DLEC1: variants seen among roughly 807,000 people sequenced by gnomAD.
The protein encoded by DLEC1 is DLEC1 cilia and flagella associated protein.
DLEC1 carries 146 observed loss-of-function variants against 198.1 expected under a neutral mutation model. The ratio of observed to expected loss-of-function variants is 0.74; its 90% CI spans 0.64 to 0.85. The LOEUF (loss-of-function observed/expected upper bound fraction) is 0.85, where lower values mean the gene tolerates loss of function less well. Among genes scored for constraint, DLEC1 ranks in the 40% least tolerant of loss-of-function variants. DLEC1 has a pLI of 0.00. For synonymous variants in DLEC1, 897 were observed against 866.8 expected (o/e 1.03, Z -0.61); for missense variants, 2,233 against 2,220.0 (o/e 1.01, Z -0.12).
intron 19 of DLEC1, among the ~76,000 whole-genome samples, chr3:38,105,963 G>A (rs1205772116): frequency 3.9e-5 from 6 of 151,930 alleles, no homozygotes; most frequent in Non-Finnish European, 8.8e-5. Context: ...CTTACTGGTT[G>A]TCCAGGGCTT....
Position 38,110,101 on chromosome 3 carries a change from C to G in DLEC1, c.3263C>G (p.Thr1088Arg). ...TGGGCACAGGACAGTGTTTTCAGCA[C>G]AGAGCAGTGGCCAGGCCACCCAAAG... ...TISKESSDCSTEQWPGHPKEL... is the reference protein window; with the variant it reads ...TISKESSDCSREQWPGHPKEL... Residue 1088 changes from threonine (T) to arginine (R), a missense_variant and splice_region_variant, in exon 23 of 37, where the codon ACA (threonine) becomes AGA (arginine). Transcript: ENST00000308059. The G allele has an allele frequency of 6.2e-7, 1 of 1,613,860 alleles. No individual in the cohort carries two copies. Among genetic ancestry groups the G allele is most frequent in the African/African-American group, 1.3e-5 (1 of 75,052 alleles).
In DLEC1 at chr3:38,065,705, C is replaced by T. The variant is rs576809633; in HGVS notation, c.1173+1786C>T. On this transcript the variant is annotated intron_variant, in intron 6 of 36. Transcript: ENST00000308059. ...CCATAGTACCACTGTCACACCCAGC[C>T]ATATTAATAATGATTCCTTAATATC... is the stretch of plus-strand genomic sequence containing the variant. Among the ~76,000 whole-genome samples the T allele has an allele frequency of 4.6e-5, 7 of 152,280 alleles. No individual in the cohort carries two copies. The East Asian group carries it at 1.3e-3, about 29-fold the overall frequency.
At chr3:38,046,262 G>A (rs1700882043) in intron 2 of DLEC1, among the ~76,000 whole-genome samples, 2 of 152,068 alleles carry the variant, frequency 1.3e-5, no homozygotes. Context: ...GATTTTTGTG[G>A]CGTGATATGG....
At chr3:38,109,767 A>C (rs748792503) in intron 22 of DLEC1, 8 of 912,404 alleles carry the variant, frequency 8.8e-6, no homozygotes, top group Admixed American at 2.8e-5. Context: ...TGGTCTCCCC[A>C]CACACACTTG....
At chr3:38,092,951 T>C (rs1009089935) in intron 11 of DLEC1, 71 bp downstream of exon 11, 1 of 1,400,696 alleles carries the variant, frequency 7.1e-7, no homozygotes, top group Admixed American at 1.7e-5. Context: ...CTGACCACAG[T>C]AGCATTAGCG....
At chr3:38,084,563 GGTAGTAGTAGTA>G (rs1358504058) in intron 7 of DLEC1, among the ~76,000 whole-genome samples, 45 of 58,778 alleles carry the variant, frequency 7.7e-4, no homozygotes, top group Non-Finnish European at 1.0e-3. Context: ...TAGTAGTAGT[GGTAGTAGTAGTA>G]GTGGGGGGGT....
intron 2 of DLEC1, among the ~76,000 whole-genome samples, chr3:38,051,143 C>A (rs1216579808): frequency 6.6e-6 from 1 of 152,302 alleles, no homozygotes; most frequent in African/African-American, 2.4e-5. Flanking sequence ...TCAAGCAATC[C>A]GCCCACCTCA....
At position 38,117,612 on chromosome 3, in the gene DLEC1, G is replaced by T; in HGVS notation, c.4485+1G>T. The T allele has an allele frequency of 6.2e-7, 1 of 1,614,118 alleles. No homozygotes were observed. The highest frequency in any genetic ancestry group is 8.5e-7 in the Non-Finnish European group (1 of 1,179,964). Reference sequence around the variant, plus strand: ...CATTCCCGAGCAGCCCTGCTCTGGGGTGAGTGTGCTGCCACCCTCTGGCCC... The same window carrying T: ...CATTCCCGAGCAGCCCTGCTCTGGGTTGAGTGTGCTGCCACCCTCTGGCCC... On this transcript the variant is annotated splice_donor_variant, in intron 32 of 36. Transcript: ENST00000308059. LOFTEE classifies it high-confidence loss of function.
intron 6 of DLEC1, among the ~76,000 whole-genome samples, chr3:38,083,462 A>C (rs1386907579): frequency 6.6e-6 from 1 of 152,164 alleles, no homozygotes; most frequent in Non-Finnish European, 1.5e-5. Flanking sequence ...CACTTAAGGC[A>C]AGGATGGGCC....
In DLEC1 at chr3:38,085,304, C is replaced by T. The variant is rs781390183; in HGVS notation, c.1292C>T (p.Ala431Val). Reference sequence around the variant, plus strand: ...TTCCCAGGAAAAGGTGGAATGGTGGCTCCTGGAATGACCTGCCAGTACATT... The same window carrying T: ...TTCCCAGGAAAAGGTGGAATGGTGGTTCCTGGAATGACCTGCCAGTACATT... ...GMFPGKGGMV[A>V]PGMTCQYIVQ... Residue 431 changes from alanine to valine, a missense_variant, in exon 8 of 37, where the codon GCT becomes GTT. Coordinates refer to ENST00000308059, the MANE Select transcript of DLEC1 (RefSeq NM_007335.4). 8.7e-6 allele frequency: 14 copies of T among 1,614,158 alleles called. No individual in the cohort carries two copies. The South Asian group carries it at 1.5e-4, about 18-fold the overall frequency.
chr3:38,039,376 T>C lies in DLEC1; in HGVS notation c.151T>C (p.Tyr51His). ...WKSSLYSSLA[Y>H]SEAFHYSFAA... ...GTCCTCCTTGTATTCCTCCCTCGCC[T>C]ACTCTGAGGCCTTCCACTACAGCTT... Residue 51 changes from tyrosine to histidine, a missense_variant, in exon 1 of 37, where the codon TAC (tyrosine) becomes CAC (histidine). Physicochemically the swap from Tyr to His is moderately conservative, Grantham distance 83. Coordinates refer to ENST00000308059, the MANE Select transcript of DLEC1 (RefSeq NM_007335.4). 6.2e-7 allele frequency: 1 copy of C among 1,614,204 alleles called. No homozygotes were observed. Among genetic ancestry groups the C allele is most frequent in the Non-Finnish European group, 8.5e-7 (1 of 1,180,020 alleles).
intron 27 of DLEC1, among the ~76,000 whole-genome samples, chr3:38,115,430 G>C (rs750107180): frequency 2.0e-5 from 3 of 152,202 alleles, no homozygotes; most frequent in Non-Finnish European, 4.4e-5. Context: ...CAACTGAAGG[G>C]AAGGCCGGAG....
intron 2 of DLEC1, among the ~76,000 whole-genome samples, chr3:38,046,111 G>A (rs1333899439): frequency 3.3e-5 from 5 of 152,182 alleles, no homozygotes; most frequent in African/African-American, 1.2e-4. Flanking sequence ...AAAGTGAGGA[G>A]GATTACACAA....
intron 20 of DLEC1, 65 bp from the exon 21 acceptor site, chr3:38,108,340 C>A: frequency 7.3e-7 from 1 of 1,368,064 alleles, no homozygotes; most frequent in Non-Finnish European, 1.0e-6. Flanking sequence ...GCTGAGCACT[C>A]TCTGGATACT....
At chr3:38,092,039 G>A (rs1220697983) in intron 10 of DLEC1, among the ~76,000 whole-genome samples, 1 of 152,232 alleles carries the variant, frequency 6.6e-6, no homozygotes, top group African/African-American at 2.4e-5. Flanking sequence ...GTGCAGTGAT[G>A]TGATCATTGC....
intron 5 of DLEC1, 59 bp from the exon 6 acceptor site, chr3:38,063,782 C>G: frequency 8.0e-7 from 1 of 1,247,440 alleles, no homozygotes; most frequent in South Asian, 1.2e-5. Context: ...TCACTGCCTA[C>G]TATTTCATTG....
At chr3:38,082,762 G>T (rs1575166366) in intron 6 of DLEC1, among the ~76,000 whole-genome samples, 1 of 151,740 alleles carries the variant, frequency 6.6e-6, no homozygotes, top group South Asian at 2.1e-4. Context: ...ATGGAGAGAA[G>T]GGGTTGGGGT....
In DLEC1 at chr3:38,081,227, A is replaced by G. The variant is rs1697966604; in HGVS notation, c.1174-2931A>G. On this transcript the variant is annotated intron_variant, in intron 6 of 36. Coordinates refer to ENST00000308059, the MANE Select transcript of DLEC1 (RefSeq NM_007335.4). ...CCCATGTCTACTTCTTTCTACACAG[A>G]CACGGCAACCATCCGATTTCTCAAT... 2.2e-5 allele frequency among the ~76,000 whole-genome samples: 3 copies of G among 137,684 alleles called. No homozygotes were observed. The South Asian group carries it at 6.9e-4, about 32-fold the overall frequency. 90.3% of individuals were successfully genotyped at this position (137,684 alleles called of 152,430 possible).
At chr3:38,084,309 A>C in intron 7 of DLEC1, 64 bp downstream of exon 7, 1 of 1,387,956 alleles carries the variant, frequency 7.2e-7, no homozygotes, top group South Asian at 1.2e-5. Flanking sequence ...ATTAGTAGTA[A>C]TAGTAGTAGT....
Sources: gnomAD v4.1 joint callset for allele counts (sites outside exome capture counted in the v4.1 genomes callset) on GRCh38, gnomAD v4.1.1 for gene constraint, MANE v1.5 for transcripts, NCBI Gene and HGNC (gene_info 2026-07-23, HGNC 2026-07-21) for gene names.